ATP9B: variants seen among roughly 807,000 people sequenced by gnomAD.
ATP9B encodes probable phospholipid-transporting ATPase IIB.
ATP9B carries 110 observed loss-of-function variants against 146.1 expected under a neutral mutation model. The observed-to-expected ratio is 0.75, with a 90% CI of 0.65 to 0.88. The LOEUF (loss-of-function observed/expected upper bound fraction) is 0.88. ATP9B is among the 40% of genes least tolerant of loss of function. ATP9B has a pLI of 0.00. For missense variants in ATP9B, 1,499 were observed against 1,496.4 expected (o/e 1.00, Z -0.03); for synonymous variants, 604 against 569.7 (o/e 1.06, Z -0.86).
rs556616237 is a variant in ATP9B, at chr18:79,104,481, A to G, written c.294-5874A>G. Among the ~76,000 whole-genome samples, 5 of 152,320 alleles carry G rather than the reference A, an allele frequency of 3.3e-5. No homozygotes were observed. In the South Asian group the frequency reaches 1.0e-3, roughly 32 times the overall value. On this transcript the variant is annotated intron_variant, in intron 2 of 29. Coordinates refer to ENST00000426216, the MANE Select transcript of ATP9B (RefSeq NM_198531.5). ...CACTGTACTAGTCAGGTAGTTAACA[A>G]GAATTGCGGACTTTAGAATGTTCTC...
intron 11 of ATP9B, among the ~76,000 whole-genome samples, 200 bp from the exon 12 acceptor site, chr18:79,253,181 T>C (rs968576562): frequency 3.3e-5 from 5 of 152,268 alleles, no homozygotes; most frequent in Non-Finnish European, 5.9e-5. Context: ...GTTTTGTCAG[T>C]AGACCCTTTC....
chr18:79,163,027 G>C (rs970533287), intron 7 of ATP9B, among the ~76,000 whole-genome samples: 4 of 152,230 alleles, frequency 2.6e-5, no homozygotes, highest in Admixed American at 1.3e-4. Flanking sequence ...GTCTGTAATA[G>C]GATATAAGCA....
chr18:79,286,610 T>G (rs552033203), intron 13 of ATP9B, among the ~76,000 whole-genome samples: 1 of 152,250 alleles, frequency 6.6e-6, no homozygotes, highest in South Asian at 2.1e-4. Flanking sequence ...TACCCTTTAT[T>G]TCCTTCTCCT....
At chr18:79,153,897 G>C (rs2094729797) in intron 6 of ATP9B, among the ~76,000 whole-genome samples, 1 of 150,190 alleles carries the variant, frequency 6.7e-6, no homozygotes. Flanking sequence ...ATCCTCCCGT[G>C]TTGGCCTTCC....
intron 12 of ATP9B, among the ~76,000 whole-genome samples, chr18:79,257,964 T>C (rs1182737765): frequency 1.3e-5 from 2 of 152,216 alleles, no homozygotes; most frequent in Non-Finnish European, 2.9e-5. Flanking sequence ...TTGAGACTTT[T>C]ATTACATTTT....
chr18:79,186,729 A>G (rs2095311427), intron 8 of ATP9B, among the ~76,000 whole-genome samples: 1 of 152,220 alleles, frequency 6.6e-6, no homozygotes. Context: ...TTAATAGTAC[A>G]TAGTCTAAGC....
At chr18:79,288,984 A>G (rs7233978) in intron 13 of ATP9B, among the ~76,000 whole-genome samples, 70,849 of 151,950 alleles carry the variant, frequency 0.47, 16,699 homozygotes, top group Middle Eastern at 0.55. Context: ...CGAGAGATCC[A>G]CTGTTAGTCT....
intron 1 of ATP9B, among the ~76,000 whole-genome samples, chr18:79,093,200 T>C (rs1434108693): frequency 2.0e-5 from 3 of 152,220 alleles, no homozygotes; most frequent in Non-Finnish European, 4.4e-5. Flanking sequence ...TGTTTATTTT[T>C]CCATTTTTTT....
chr18:79,264,659 G>GT (rs2096182339), intron 12 of ATP9B, among the ~76,000 whole-genome samples: 1 of 129,106 alleles, frequency 7.7e-6, no homozygotes, highest in Non-Finnish European at 1.6e-5. Context: ...TTTGACCACT[G>GT]TAAGTGTTTT....
chr18:79,311,402 T>C (rs2096651576), intron 15 of ATP9B, among the ~76,000 whole-genome samples: 1 of 152,184 alleles, frequency 6.6e-6, no homozygotes, highest in Admixed American at 6.5e-5. Flanking sequence ...CAGCTGAGGT[T>C]GTCCAGGGGA....
At chr18:79,249,126 C>G (rs1485392287) in intron 11 of ATP9B, among the ~76,000 whole-genome samples, 4 of 150,948 alleles carry the variant, frequency 2.6e-5, no homozygotes, top group African/African-American at 9.7e-5. Flanking sequence ...CAGGAGAATA[C>G]CGTATTTACC....
At chr18:79,238,870 G>T (rs991230458) in intron 11 of ATP9B, among the ~76,000 whole-genome samples, 3 of 151,518 alleles carry the variant, frequency 2.0e-5, no homozygotes, top group African/African-American at 7.2e-5. Context: ...TGAAGCGGAT[G>T]CAGTGACGCA....
At chr18:79,302,287 C>A (rs1206470556) in intron 13 of ATP9B, among the ~76,000 whole-genome samples, 1 of 152,182 alleles carries the variant, frequency 6.6e-6, no homozygotes, top group Admixed American at 6.5e-5. Flanking sequence ...TGCCCCCACC[C>A]TCCCCGGGGA....
intron 6 of ATP9B, 164 bp downstream of exon 6, chr18:79,144,024 A>G: frequency 2.1e-6 from 1 of 471,516 alleles, no homozygotes; most frequent in African/African-American, 2.0e-5. Context: ...AGATTTTTGT[A>G]TATTGTTTTG....
At chr18:79,325,490 A>G (rs1370456946) in intron 15 of ATP9B, among the ~76,000 whole-genome samples, 1 of 152,206 alleles carries the variant, frequency 6.6e-6, no homozygotes, top group African/African-American at 2.4e-5. Context: ...ACCATTTGAA[A>G]CTGTATAAAT....
intron 7 of ATP9B, among the ~76,000 whole-genome samples, chr18:79,160,417 A>G (rs1261554767): frequency 6.6e-6 from 1 of 152,198 alleles, no homozygotes; most frequent in East Asian, 1.9e-4. Context: ...CTACTTATTT[A>G]TGATTTATTT....
intron 15 of ATP9B, among the ~76,000 whole-genome samples, chr18:79,326,457 A>C (rs1453409276): frequency 1.6e-3 from 134 of 81,314 alleles, no homozygotes; most frequent in Non-Finnish European, 1.9e-3. Context: ...ATCCCTGCAC[A>C]CTCCTTCCCC....
chr18:79,173,794 T>G (rs554520625), intron 7 of ATP9B: 1 of 454,662 alleles, frequency 2.2e-6, no homozygotes, highest in South Asian at 1.6e-5. Flanking sequence ...TCCCCCACAT[T>G]GTTTTAGCCA....
intron 19 of ATP9B, among the ~76,000 whole-genome samples, chr18:79,340,732 A>C (rs1240895097): frequency 6.6e-6 from 1 of 152,242 alleles, no homozygotes; most frequent in Non-Finnish European, 1.5e-5. Flanking sequence ...TATACACATA[A>C]GATGTGCATG....
Sources: allele counts gnomAD v4.1 joint callset (sites outside exome capture counted in the v4.1 genomes callset), GRCh38; gene constraint gnomAD v4.1.1; transcripts MANE v1.5; gene names NCBI Gene and HGNC (gene_info 2026-07-23, HGNC 2026-07-21).